The following COL22A1 variants were observed in gnomAD, a reference collection of about 807,000 sequenced individuals.
The protein encoded by COL22A1 is collagen alpha-1(XXII) chain.
COL22A1 carries 221 observed loss-of-function variants against 248.9 expected under a neutral mutation model. The observed-to-expected ratio is 0.89, with a 90% CI of 0.80 to 0.99. COL22A1 has a LOEUF of 0.99. Among genes scored for constraint, COL22A1 ranks in the 50% least tolerant of loss-of-function variants. The pLI, the probability that COL22A1 is intolerant of heterozygous loss-of-function variation, is 0.00. For synonymous variants in COL22A1, 891 were observed against 793.4 expected, an observed-to-expected ratio of 1.12 and a Z score of -2.07; for missense variants, 2,240 against 2,179.0, an observed-to-expected ratio of 1.03 and a Z score of -0.56.
At chr8:138,729,039 C>T (rs1041719571) in intron 23 of COL22A1, among the ~76,000 whole-genome samples, 1 of 152,164 alleles carries the variant, frequency 6.6e-6, no homozygotes, top group Non-Finnish European at 1.5e-5. Flanking sequence ...ACAAGGGGCT[C>T]GGCCACCTCC....
chr8:138,635,464 A>G (rs1452764938), intron 48 of COL22A1, among the ~76,000 whole-genome samples: 1 of 152,118 alleles, frequency 6.6e-6, no homozygotes, highest in Non-Finnish European at 1.5e-5. Flanking sequence ...AAAAACAAAT[A>G]AATGCACAGA....
At chr8:138,609,257 C>T (rs1217586064) in intron 56 of COL22A1, among the ~76,000 whole-genome samples, 1 of 152,220 alleles carries the variant, frequency 6.6e-6, no homozygotes, top group African/African-American at 2.4e-5. Flanking sequence ...AGCCACCTGC[C>T]TGCGAGGCAA....
intron 1 of COL22A1, among the ~76,000 whole-genome samples, chr8:138,900,011 C>G (rs1814423283): frequency 6.6e-6 from 1 of 152,162 alleles, no homozygotes; most frequent in Non-Finnish European, 1.5e-5. Context: ...GCAACCAGGA[C>G]TGTACTGGCT....
At chr8:138,683,420 TCTGAATTGTGGGTGCAA>T (rs932111645) in intron 39 of COL22A1, among the ~76,000 whole-genome samples, 35 of 152,296 alleles carry the variant, frequency 2.3e-4, no homozygotes, top group South Asian at 1.2e-3. Flanking sequence ...GGTCATAGTT[TCTGAATTGTGGGTGCAA>T]CTGAATTGAG....
At chr8:138,676,413 A>AAGAAAGAAAGAAAG (rs1554744005) in intron 41 of COL22A1, 145 bp downstream of exon 41, 16 of 325,532 alleles carry the variant, frequency 4.9e-5, no homozygotes, top group Middle Eastern at 6.1e-4. Context: ...AAAAGAAAGA[A>AAGAAAGAAAGAAAG]AAAGAAAGAA....
At chr8:138,625,510 C>T (rs115852118) in intron 51 of COL22A1, among the ~76,000 whole-genome samples, 2,211 of 152,082 alleles carry the variant, frequency 0.015, 54 homozygotes, top group African/African-American at 0.05. Flanking sequence ...TTGAACAGCT[C>T]GACTCTAATG....
rs184984000 is a variant in COL22A1 at position 138,878,064 on chromosome 8, G to A, written c.344C>T (p.Thr115Ile). 94 of 1,597,862 alleles carry A rather than the reference G, an allele frequency of 5.9e-5. No homozygotes were observed. The highest frequency in any genetic ancestry group is 7.2e-5 in the Non-Finnish European group (85 of 1,172,974). The stretch of plus-strand genomic sequence containing the variant: ...GTAGCGGAGCGCGTCTCCCGTGTTG[G>A]TGTTGCCCCCGTGGTAGGCGAGACG... ...ARRLAYHGGNTNTGDALRYIT... is the reference protein window; with the variant it reads ...ARRLAYHGGNINTGDALRYIT... Residue 115 changes from threonine to isoleucine, a missense_variant, in exon 3 of 65, where the codon ACC becomes ATC. By Grantham distance (89) the Thr-to-Ile change is moderately conservative. Coordinates refer to ENST00000303045, the MANE Select transcript of COL22A1 (RefSeq NM_152888.3).
At chr8:138,798,669 T>C (rs1042804047) in intron 11 of COL22A1, among the ~76,000 whole-genome samples, 1 of 152,224 alleles carries the variant, frequency 6.6e-6, no homozygotes, top group African/African-American at 2.4e-5. Flanking sequence ...TTGCCATCCC[T>C]GTGCCTTCTA....
chr8:138,705,701 T>C (rs13275763), intron 30 of COL22A1, among the ~76,000 whole-genome samples: 31,934 of 152,066 alleles, frequency 0.21, 3,486 homozygotes, highest in African/African-American at 0.24. Flanking sequence ...ACACCACCCA[T>C]GCTAGGAAGA....
chr8:138,838,435 G>C (rs370463268), intron 4 of COL22A1, among the ~76,000 whole-genome samples: 1 of 152,076 alleles, frequency 6.6e-6, no homozygotes, highest in African/African-American at 2.4e-5. Context: ...TGCAAAGTGG[G>C]CCGATCCTCT....
chr8:138,612,696 T>C (rs1444804088), intron 56 of COL22A1, among the ~76,000 whole-genome samples: 2 of 151,266 alleles, frequency 1.3e-5, no homozygotes, highest in Non-Finnish European at 2.9e-5. Context: ...GGAGGACAAG[T>C]GGGGCAGATC....
At chr8:138,636,830 T>G in intron 47 of COL22A1, 35 bp from the exon 48 acceptor site, 1 of 1,553,792 alleles carries the variant, frequency 6.4e-7, no homozygotes, top group Non-Finnish European at 8.9e-7. Flanking sequence ...AAGATGTCAC[T>G]GGAAATTTTA....
chr8:138,647,590 C>G (rs758471996), intron 46 of COL22A1, among the ~76,000 whole-genome samples: 1 of 152,136 alleles, frequency 6.6e-6, no homozygotes, highest in Non-Finnish European at 1.5e-5. Flanking sequence ...TTTATAGTTA[C>G]TTTCATAACC....
intron 7 of COL22A1, 44 bp from the exon 8 acceptor site, chr8:138,813,063 G>C (rs368413361): frequency 6.6e-6 from 10 of 1,510,740 alleles, no homozygotes; most frequent in Non-Finnish European, 8.3e-6. Flanking sequence ...TAGGGACTTT[G>C]GAACCCAGAA....
intron 61 of COL22A1, among the ~76,000 whole-genome samples, chr8:138,597,792 T>C (rs933685950): frequency 2.0e-5 from 3 of 152,190 alleles, no homozygotes; most frequent in Non-Finnish European, 4.4e-5. Context: ...TCACCGCCCA[T>C]AGCAGCAGGA....
intron 62 of COL22A1, 57 bp from the exon 63 acceptor site, chr8:138,594,256 G>T: frequency 6.8e-7 from 1 of 1,469,294 alleles, no homozygotes; most frequent in South Asian, 1.3e-5. Flanking sequence ...ACATAGGACA[G>T]GATGGCTACT....
At chr8:138,622,130 C>T (rs1419264405) in intron 52 of COL22A1, among the ~76,000 whole-genome samples, 1 of 152,194 alleles carries the variant, frequency 6.6e-6, no homozygotes, top group Non-Finnish European at 1.5e-5. Flanking sequence ...TTTTATGGAA[C>T]TCCCCTTAGT....
At chr8:138,760,335 G>T in intron 17 of COL22A1, 48 bp from the exon 18 acceptor site, 1 of 1,539,270 alleles carries the variant, frequency 6.5e-7, no homozygotes, top group Non-Finnish European at 8.8e-7. Flanking sequence ...CTACGGATAC[G>T]GTGGTGGGGT....
intron 23 of COL22A1, 21 bp from the exon 24 acceptor site, chr8:138,725,461 G>C: frequency 6.2e-7 from 1 of 1,610,878 alleles, no homozygotes; most frequent in South Asian, 1.1e-5. Flanking sequence ...AGAGCATTTG[G>C]TGGGCTACAG....
Sources: allele counts gnomAD v4.1 joint callset (sites outside exome capture counted in the v4.1 genomes callset), GRCh38; gene constraint gnomAD v4.1.1; transcripts MANE v1.5; gene names NCBI Gene and HGNC (gene_info 2026-07-23, HGNC 2026-07-21).